Variants in CHODL observed in about 807,000 individuals in gnomAD.
CHODL encodes chondrolectin.
A neutral mutation model predicts 34.5 loss-of-function variants in CHODL; 29 were observed. The ratio of observed to expected loss-of-function variants is 0.84; its 90% CI spans 0.63 to 1.15. The LOEUF is 1.15. Ranked by LOEUF, CHODL falls within the 50% of genes most tolerant of loss-of-function variation. The pLI is 0.00. For missense variants in CHODL, 332 were observed against 332.5 expected, an observed-to-expected ratio of 1.00 and a Z score of 0.01; for synonymous variants, 125 against 116.1, an observed-to-expected ratio of 1.08 and a Z score of -0.49.
chr21:18,254,593 C>G (rs998610708), intron 1 of CHODL, among the ~76,000 whole-genome samples: 9 of 152,086 alleles, frequency 5.9e-5, no homozygotes, highest in Non-Finnish European at 1.3e-4. Flanking sequence ...GCCATACATT[C>G]TTAGTGGTAA....
chr21:18,026,863 C>CT (rs941775953), intron 1 of CHODL, among the ~76,000 whole-genome samples: 2 of 152,036 alleles, frequency 1.3e-5, no homozygotes, highest in Non-Finnish European at 2.9e-5. Flanking sequence ...ACAATCTTTA[C>CT]TTTTTTTTGA....
intron 2 of CHODL, among the ~76,000 whole-genome samples, chr21:18,059,492 T>C (rs2064629001): frequency 8.0e-6 from 1 of 124,918 alleles, no homozygotes; most frequent in South Asian, 3.1e-4. Flanking sequence ...AAACTCATGA[T>C]CTTTTTTTTT....
At chr21:18,242,311 T>C (rs112280529), upstream of CHODL, among the ~76,000 whole-genome samples, 9,925 of 152,282 alleles carry the variant, frequency 0.065, 421 homozygotes, top group Non-Finnish European at 0.095. Flanking sequence ...CCTTTGTTAA[T>C]AAAATTATTG....
intron 1 of CHODL, among the ~76,000 whole-genome samples, chr21:17,952,679 A>C (rs2063468344): frequency 6.6e-6 from 1 of 152,222 alleles, no homozygotes. Context: ...TGTGGGGGAC[A>C]TAAATAATTA....
At chr21:18,197,704 G>A (rs984730299) in intron 2 of CHODL, among the ~76,000 whole-genome samples, 3 of 152,142 alleles carry the variant, frequency 2.0e-5, no homozygotes, top group Non-Finnish European at 2.9e-5. Flanking sequence ...GAGTAAAACC[G>A]AGGGAGAAAA....
chr21:18,048,403 A>G (rs968778692), intron 2 of CHODL, among the ~76,000 whole-genome samples: 3 of 151,974 alleles, frequency 2.0e-5, no homozygotes, highest in African/African-American at 7.2e-5. Context: ...GAATTAAAAA[A>G]CAATGAGACA....
In CHODL at chr21:18,260,233, A is replaced by G; in HGVS notation, c.581A>G (p.Tyr194Cys). The change falls in exon 4 of 6, where the codon TAT becomes TGT. Residue 194 changes from tyrosine (Y) to cysteine (C), a missense_variant. Transcript: ENST00000299295. ...INPTAPVEKP[Y>C]LTNQPGDTHQ... Reference sequence around the variant, plus strand: ...CCAACAGCCCCTGTAGAAAAGCCTTATCTTACAAATCAACCAGGAGACACC... The same window carrying G: ...CCAACAGCCCCTGTAGAAAAGCCTTGTCTTACAAATCAACCAGGAGACACC... 2 of 1,581,778 alleles carry G rather than the reference A, an allele frequency of 1.3e-6. No homozygotes were observed. Among genetic ancestry groups the G allele is most frequent in the Non-Finnish European group, 1.7e-6 (2 of 1,166,738 alleles).
At chr21:17,924,560 T>G (rs2063208489) in intron 1 of CHODL, among the ~76,000 whole-genome samples, 1 of 152,340 alleles carries the variant, frequency 6.6e-6, no homozygotes, top group Middle Eastern at 3.4e-3. Flanking sequence ...TTCATCCTAT[T>G]TGCCCATTGC....
intron 2 of CHODL, among the ~76,000 whole-genome samples, chr21:18,222,802 G>A (rs1372856092): frequency 5.3e-5 from 8 of 152,020 alleles, no homozygotes; most frequent in Admixed American, 5.2e-4. Flanking sequence ...TTTTGTGGAG[G>A]AGGCAAGTCT....
chr21:18,095,804 C>A (rs578155891), intron 2 of CHODL, among the ~76,000 whole-genome samples: 1 of 152,172 alleles, frequency 6.6e-6, no homozygotes, highest in Non-Finnish European at 1.5e-5. Flanking sequence ...GATTATTTAT[C>A]ATGACCCAGT....
intron 1 of CHODL, among the ~76,000 whole-genome samples, chr21:17,931,164 A>G (rs2063269835): frequency 6.6e-6 from 1 of 152,178 alleles, no homozygotes. Flanking sequence ...TGTGCTCCTC[A>G]TTGAAGTATT....
intron 2 of CHODL, among the ~76,000 whole-genome samples, chr21:18,106,611 T>C (rs1469553435): frequency 6.6e-6 from 1 of 151,734 alleles, no homozygotes; most frequent in Non-Finnish European, 1.5e-5. Flanking sequence ...TTCTCCTGCC[T>C]CAGCCTCCAA....
At chr21:18,239,989 T>G (rs2074066298), upstream of CHODL, among the ~76,000 whole-genome samples, 1 of 151,812 alleles carries the variant, frequency 6.6e-6, no homozygotes, top group South Asian at 2.1e-4. Flanking sequence ...GATGTTAAGC[T>G]TTTTTTTCTT....
intron 2 of CHODL, among the ~76,000 whole-genome samples, chr21:18,239,722 T>G (rs2074063713): frequency 6.6e-6 from 1 of 152,094 alleles, no homozygotes; most frequent in African/African-American, 2.4e-5. Flanking sequence ...CTTAGTTGGA[T>G]TATCTTTTAC....
At chr21:18,075,978 C>T (rs536758471) in intron 2 of CHODL, among the ~76,000 whole-genome samples, 2 of 152,268 alleles carry the variant, frequency 1.3e-5, no homozygotes, top group Admixed American at 1.3e-4. Flanking sequence ...GAGCCCTTCC[C>T]AGACACTGAA....
At chr21:18,024,907 A>G (rs572640621) in intron 1 of CHODL, among the ~76,000 whole-genome samples, 2 of 152,346 alleles carry the variant, frequency 1.3e-5, no homozygotes, top group African/African-American at 4.8e-5. Context: ...AATACAAGCC[A>G]GAACTATTTG....
intron 1 of CHODL, among the ~76,000 whole-genome samples, chr21:17,993,404 G>A (rs1332187443): frequency 6.6e-6 from 1 of 152,042 alleles, no homozygotes; most frequent in Admixed American, 6.5e-5. Context: ...AGTGTCTGTT[G>A]TTCTCCTCTG....
At chr21:18,072,364 T>C (rs1380345353) in intron 2 of CHODL, among the ~76,000 whole-genome samples, 1 of 152,044 alleles carries the variant, frequency 6.6e-6, no homozygotes, top group African/African-American at 2.4e-5. Flanking sequence ...GAAATTATAG[T>C]GAGAAATATT....
intron 2 of CHODL, among the ~76,000 whole-genome samples, chr21:18,182,021 A>G (rs1052595207): frequency 1.3e-5 from 2 of 152,148 alleles, no homozygotes; most frequent in East Asian, 1.9e-4. Context: ...TAATGCTGCT[A>G]TGAACATTTG....
Sources: gnomAD v4.1 joint callset for allele counts (sites outside exome capture counted in the v4.1 genomes callset) on GRCh38, gnomAD v4.1.1 for gene constraint, MANE v1.5 for transcripts, NCBI Gene and HGNC (gene_info 2026-07-23, HGNC 2026-07-21) for gene names.